IGSF21: variants seen among roughly 807,000 people sequenced by gnomAD.
The protein encoded by IGSF21 is immunoglobulin superfamily member 21.
Under a neutral mutation model 46.8 loss-of-function variants are expected in IGSF21, and 28 were observed. That is an observed-to-expected ratio of 0.60 (90% CI 0.44 to 0.82). The LOEUF is 0.82. Among genes scored for constraint, IGSF21 ranks in the 40% least tolerant of loss-of-function variants. IGSF21 has a pLI of 0.00. For missense variants in IGSF21, 624 were observed against 665.5 expected (o/e 0.94, Z 0.69); for synonymous variants, 284 against 273.6 (o/e 1.04, Z -0.38).
chr1:18,149,579 C>A (rs533968370), intron 1 of IGSF21, among the ~76,000 whole-genome samples: 26 of 151,986 alleles, frequency 1.7e-4, no homozygotes, highest in Admixed American at 8.5e-4. Context: ...AGCTAAATGG[C>A]TGAGCCACTC....
chr1:18,319,919 T>C (rs2085584320), intron 3 of IGSF21, among the ~76,000 whole-genome samples: 1 of 152,216 alleles, frequency 6.6e-6, no homozygotes, highest in South Asian at 2.1e-4. Context: ...TCAACTAAAA[T>C]ACGAGTTCTA....
chr1:18,125,190 A>G (rs1261297907), intron 1 of IGSF21, among the ~76,000 whole-genome samples: 4 of 152,186 alleles, frequency 2.6e-5, no homozygotes, highest in African/African-American at 9.7e-5. Context: ...GGGCCTTTGC[A>G]CATGTGGTTC....
At chr1:18,348,359 A>T (rs1451993958) in intron 4 of IGSF21, among the ~76,000 whole-genome samples, 1 of 152,176 alleles carries the variant, frequency 6.6e-6, no homozygotes, top group Non-Finnish European at 1.5e-5. Context: ...TCTGTGTCTC[A>T]CATACCAGGG....
At chr1:18,282,671 CAA>C (rs1292589679) in intron 2 of IGSF21, among the ~76,000 whole-genome samples, 2 of 151,256 alleles carry the variant, frequency 1.3e-5, no homozygotes, top group African/African-American at 2.4e-5. Flanking sequence ...CACACACACA[CAA>C]ACACACACCC....
chr1:18,359,935 C>T (rs940511604), intron 4 of IGSF21, among the ~76,000 whole-genome samples: 4 of 152,136 alleles, frequency 2.6e-5, no homozygotes, highest in African/African-American at 2.4e-5. Flanking sequence ...AGTCAGACTG[C>T]CTGAGTTCAA....
rs557300883 is a variant in IGSF21 at position 18,340,418 on chromosome 1, A to C, written c.424+5408A>C. ...AGGTAACATTCAAAAGAGGTGAGCT[A>C]TATGGACTTCATTCATTCATGTCAG... On this transcript the variant is annotated intron_variant, in intron 4 of 9. Coordinates refer to ENST00000251296, the MANE Select transcript of IGSF21 (RefSeq NM_032880.5). 4.6e-5 allele frequency among the ~76,000 whole-genome samples: 7 copies of C among 152,296 alleles called. No individual in the cohort carries two copies. In the East Asian group the frequency reaches 1.4e-3, roughly 29 times the overall value.
intron 2 of IGSF21, among the ~76,000 whole-genome samples, chr1:18,280,700 C>G (rs780026974): frequency 1.4e-4 from 21 of 152,074 alleles, no homozygotes; most frequent in Non-Finnish European, 2.5e-4. Flanking sequence ...TAACCACTAC[C>G]AAACCCAGAC....
chr1:18,142,147 G>A (rs946922217), intron 1 of IGSF21, among the ~76,000 whole-genome samples: 1 of 152,104 alleles, frequency 6.6e-6, no homozygotes, highest in East Asian at 1.9e-4. Flanking sequence ...AAACCAACAG[G>A]GTGAGGAGAG....
At chr1:18,289,250 C>A (rs1225126704) in intron 2 of IGSF21, among the ~76,000 whole-genome samples, 2 of 152,132 alleles carry the variant, frequency 1.3e-5, no homozygotes, top group African/African-American at 2.4e-5. Context: ...GGAGGTGAGG[C>A]CAGAAGACGG....
At chr1:18,110,364 G>C (rs2086131977) in intron 1 of IGSF21, 1 of 152,492 alleles carries the variant, frequency 6.6e-6, no homozygotes, top group Non-Finnish European at 1.5e-5. Context: ...TGCGAGAAGA[G>C]TCCGTGAGAG....
intron 1 of IGSF21, among the ~76,000 whole-genome samples, chr1:18,189,985 G>A (rs9660324): frequency 0.27 from 40,412 of 152,054 alleles, 6,073 homozygotes; most frequent in South Asian, 0.36. Flanking sequence ...AGTGGGGGCC[G>A]GTACCAGTCC....
intron 2 of IGSF21, among the ~76,000 whole-genome samples, chr1:18,233,624 C>A (rs1042362593): frequency 6.6e-6 from 1 of 152,150 alleles, no homozygotes; most frequent in East Asian, 1.9e-4. Context: ...TCAATGATAG[C>A]TATTGTCATT....
chr1:18,370,016 T>G (rs1262254848), intron 6 of IGSF21, among the ~76,000 whole-genome samples: 4 of 152,118 alleles, frequency 2.6e-5, no homozygotes, highest in Non-Finnish European at 5.9e-5. Flanking sequence ...CTATCCCACA[T>G]GCAAACCATC....
chr1:18,142,291 G>T (rs1474855681), intron 1 of IGSF21, among the ~76,000 whole-genome samples: 1 of 152,086 alleles, frequency 6.6e-6, no homozygotes, highest in Non-Finnish European at 1.5e-5. Context: ...TATGTAGGAG[G>T]CTCGTCTCCA....
At chr1:18,241,983 C>T (rs935789424) in intron 2 of IGSF21, among the ~76,000 whole-genome samples, 11 of 152,188 alleles carry the variant, frequency 7.2e-5, no homozygotes, top group African/African-American at 2.7e-4. Flanking sequence ...CTGTGGCCTC[C>T]TCCGTGGGGG....
chr1:18,292,267 T>A (rs2085274886), intron 3 of IGSF21, among the ~76,000 whole-genome samples: 1 of 152,260 alleles, frequency 6.6e-6, no homozygotes, highest in South Asian at 2.1e-4. Context: ...ACTCCATTTA[T>A]TTCCAAGTGA....
intron 1 of IGSF21, among the ~76,000 whole-genome samples, chr1:18,152,946 A>G (rs72944404): frequency 0.086 from 13,160 of 152,246 alleles, 773 homozygotes; most frequent in East Asian, 0.16. Flanking sequence ...AGGTGAGGAT[A>G]GAAGAGATAA....
intron 3 of IGSF21, among the ~76,000 whole-genome samples, chr1:18,311,869 C>G (rs2085491864): frequency 6.6e-6 from 1 of 152,186 alleles, no homozygotes; most frequent in South Asian, 2.1e-4. Context: ...CCACCGGGCC[C>G]CTCCCACAAC....
intron 3 of IGSF21, among the ~76,000 whole-genome samples, chr1:18,323,958 T>G (rs1456078144): frequency 6.6e-6 from 1 of 152,086 alleles, no homozygotes; most frequent in Non-Finnish European, 1.5e-5. Flanking sequence ...AGCTCTTAGG[T>G]AGTGGGGCTT....
Sources: allele counts gnomAD v4.1 joint callset (sites outside exome capture counted in the v4.1 genomes callset), GRCh38; gene constraint gnomAD v4.1.1; transcripts MANE v1.5; gene names NCBI Gene and HGNC (gene_info 2026-07-23, HGNC 2026-07-21).